CLASRP: variants seen among roughly 807,000 people sequenced by gnomAD.
CLASRP encodes the protein CLK4-associating serine/arginine rich protein.
Under a neutral mutation model 99.9 loss-of-function variants are expected in CLASRP, and 52 were observed. That is an observed-to-expected ratio of 0.52 (90% CI 0.42 to 0.66). The LOEUF is 0.66. Among genes scored for constraint, CLASRP ranks in the 30% least tolerant of loss-of-function variants. The probability of loss-of-function intolerance (pLI) is 0.00; values close to 1 mark genes in which losing one functional copy is unlikely to be tolerated. For missense variants in CLASRP, 848 were observed against 999.2 expected, an observed-to-expected ratio of 0.85 and a Z score of 2.04; for synonymous variants, 379 against 373.0, an observed-to-expected ratio of 1.02 and a Z score of -0.18.
At position 45,064,348 on chromosome 19, in the gene CLASRP, G is replaced by GCTCCTC. The variant is rs756241064; in HGVS notation, c.1146_1151dup (p.Ser384_Ser385dup). On this transcript the variant is annotated inframe_insertion, in exon 13 of 21. Coordinates refer to ENST00000221455, the MANE Select transcript of CLASRP (RefSeq NM_007056.3). ...CCTCCGTGCCCCGCCTGCAGCCGCC[G>GCTCCTC]CTCCTCCTCCTCCTCCTCCTCCTCT... 59 of 1,525,902 alleles carry GCTCCTC rather than the reference G, an allele frequency of 3.9e-5. No homozygotes were observed. The highest frequency in any genetic ancestry group is 9.7e-5 in the South Asian group (8 of 82,626). 94.5% of individuals were successfully genotyped at this position (1,525,902 alleles called of 1,614,324 possible).
chr19:45,068,309 T>TGTGCCCCCCCC, intron 15 of CLASRP, 111 bp from the exon 16 acceptor site: 2 of 651,148 alleles, frequency 3.1e-6, no homozygotes, highest in Non-Finnish European at 2.8e-6. Context: ...CCCACGTCGT[T>TGTGCCCCCCCC]CTCCCCCCCC....
chr19:45,040,605 G>A (rs1173870602), intron 2 of CLASRP: 1 of 265,018 alleles, frequency 3.8e-6, no homozygotes, highest in East Asian at 8.1e-5. Flanking sequence ...GCCACCTCCA[G>A]AATGTCTGTT....
Position 45,064,395 on chromosome 19 carries a change from T to G in CLASRP, c.1174T>G (p.Ser392Ala). ...SSSSASRTSS[S>A]RSSSRSSSRS... ...CTCTTCTGCCTCGAGGACCTCCAGC[T>G]CCCGCTCCAGCTCTCGCTCCAGCTC... Residue 392 changes from serine (S) to alanine (A), a missense_variant, in exon 13 of 21, where the codon TCC becomes GCC. By Grantham distance (99) the Ser-to-Ala change is moderately conservative. Coordinates refer to ENST00000221455, the MANE Select transcript of CLASRP (RefSeq NM_007056.3). The G allele has an allele frequency of 6.5e-7, 1 of 1,531,600 alleles. No homozygotes were observed. Among genetic ancestry groups the G allele is most frequent in the Non-Finnish European group, 8.8e-7 (1 of 1,142,564 alleles). 94.9% of individuals were successfully genotyped at this position (1,531,600 alleles called of 1,614,324 possible).
chr19:45,053,138 G>C lies in CLASRP; in HGVS notation c.340G>C (p.Glu114Gln). ...GTCGGACGAACGGAAGTGTAACTAC[G>C]AGCGCTACAGAGGCCTGGTGCAGAA... ...QESDERKCNY[E>Q]RYRGLVQNDF... is the part of the protein sequence containing the mutation. The change falls in exon 5 of 21, where the codon GAG (glutamate) becomes CAG (glutamine). Residue 114 changes from glutamate (E) to glutamine (Q), a missense_variant. Glu to Gln is a conservative substitution (Grantham distance 29). Transcript: ENST00000221455. 4.3e-6 allele frequency: 7 copies of C among 1,614,012 alleles called. No individual in the cohort carries two copies. The highest frequency in any genetic ancestry group is 5.9e-6 in the Non-Finnish European group (7 of 1,180,006).
chr19:45,059,016 C>T (rs1972176772), intron 7 of CLASRP, among the ~76,000 whole-genome samples: 1 of 152,144 alleles, frequency 6.6e-6, no homozygotes, highest in African/African-American at 2.4e-5. Context: ...CCTTCTCTTT[C>T]CCTCCCTCCG....
At chr19:45,055,253 G>A (rs1600102900) in intron 5 of CLASRP, among the ~76,000 whole-genome samples, 1 of 152,216 alleles carries the variant, frequency 6.6e-6, no homozygotes, top group Non-Finnish European at 1.5e-5. Flanking sequence ...CAGAAGTCCT[G>A]GATAGAAGCT....
intron 2 of CLASRP, among the ~76,000 whole-genome samples, chr19:45,045,500 G>T (rs1052481371): frequency 1.3e-5 from 2 of 152,100 alleles, no homozygotes; most frequent in Non-Finnish European, 2.9e-5. Context: ...CTGAGTGGGA[G>T]AATAAGACCC....
intron 2 of CLASRP, among the ~76,000 whole-genome samples, chr19:45,042,099 T>C (rs964717150): frequency 2.0e-5 from 3 of 152,148 alleles, no homozygotes; most frequent in African/African-American, 7.2e-5. Flanking sequence ...TCCCAGCATT[T>C]TGGGGGCCAA....
intron 11 of CLASRP, 131 bp downstream of exon 11, chr19:45,062,326 G>T: frequency 3.2e-6 from 2 of 634,886 alleles, no homozygotes; most frequent in Non-Finnish European, 5.7e-6. Context: ...ATATGTTCTG[G>T]GTCTGAATCA....
At chr19:45,063,921 G>T in intron 11 of CLASRP, 91 bp from the exon 12 acceptor site, 1 of 1,477,574 alleles carries the variant, frequency 6.8e-7, no homozygotes, top group Non-Finnish European at 9.0e-7. Flanking sequence ...GCTGTGGCCC[G>T]CGCTGGCGCT....
At chr19:45,044,175 C>A (rs1487103441) in intron 2 of CLASRP, among the ~76,000 whole-genome samples, 2 of 152,246 alleles carry the variant, frequency 1.3e-5, no homozygotes, top group Non-Finnish European at 2.9e-5. Flanking sequence ...AGCCACCACA[C>A]CCAGCCTAGC....
At position 45,051,838 on chromosome 19, in the gene CLASRP, G is replaced by A. The variant is rs190400633; in HGVS notation, c.100-233G>A. 3.7e-3 allele frequency among the ~76,000 whole-genome samples: 563 copies of A among 152,154 alleles called. 2 individuals carry two copies. Among genetic ancestry groups the A allele is most frequent in the African/African-American group, 0.013 (535 of 41,526 alleles). On this transcript the variant is annotated intron_variant, in intron 2 of 20. Transcript: ENST00000221455. ...AAAAAATTAGTCGGGCATGGTGGCG[G>A]GCGCCTGTAGTCCCAGCTACTCAGA... is the stretch of plus-strand genomic sequence containing the variant.
intron 2 of CLASRP, among the ~76,000 whole-genome samples, chr19:45,046,697 C>A (rs568291129): frequency 6.6e-6 from 1 of 152,330 alleles, no homozygotes; most frequent in East Asian, 1.9e-4. Flanking sequence ...TCCTCTGACA[C>A]AATCTGATCC....
chr19:45,056,873 G>T (rs988286945), intron 6 of CLASRP, among the ~76,000 whole-genome samples: 16 of 152,188 alleles, frequency 1.1e-4, no homozygotes, highest in African/African-American at 3.9e-4. Flanking sequence ...CTGGCAGGAG[G>T]CCCTACTGCC....
At position 45,057,923 on chromosome 19, in the gene CLASRP, C is replaced by T. The variant is rs760621147; in HGVS notation, c.613+25C>T. The T allele has an allele frequency of 1.4e-5, 23 of 1,612,718 alleles. No homozygotes were observed. The South Asian group carries it at 2.5e-4, about 18-fold the overall frequency. On this transcript the variant is annotated intron_variant, in intron 7 of 20. Transcript: ENST00000221455. ...GGTGGGGTCCCCTCTCTGCCCTCCC[C>T]ACCTGCAGTCCCTGGGCATCGTTTC...
intron 15 of CLASRP, 122 bp downstream of exon 15, chr19:45,068,176 G>A: frequency 1.2e-6 from 1 of 851,730 alleles, no homozygotes; most frequent in Non-Finnish European, 2.0e-6. Flanking sequence ...GGGACAGGGA[G>A]GGGAGGGGAA....
rs1183312625 is a variant in CLASRP, at chr19:45,057,783, C to T, written c.498C>T (p.Thr166=). Residue 166 remains threonine (T), a synonymous_variant, in exon 7 of 21, where the codon ACC becomes ACT. Coordinates refer to ENST00000221455, the MANE Select transcript of CLASRP (RefSeq NM_007056.3). ...AGAAGAAGGCTTCCATCGGTTATAC[C>T]TACGAGGACAGCACGGTGGCCGAGG... is the stretch of plus-strand genomic sequence containing the variant. The part of the protein sequence containing the change: ...LAEKKASIGY[T]YEDSTVAEVE... 7.4e-6 allele frequency: 12 copies of T among 1,613,938 alleles called. No homozygotes were observed. The highest frequency in any genetic ancestry group is 1.3e-5 in the African/African-American group (1 of 74,902).
In CLASRP at chr19:45,057,875, A is replaced by G; in HGVS notation, c.590A>G (p.Glu197Gly). The G allele has an allele frequency of 6.2e-7, 1 of 1,613,974 alleles. No individual in the cohort carries two copies. Among genetic ancestry groups the G allele is most frequent in the Non-Finnish European group, 8.5e-7 (1 of 1,179,928 alleles). ...SAAEEESNSD[E>G]DEVIPDIDVE... is the part of the protein sequence containing the mutation. Reference sequence around the variant, plus strand: ...GCCGAGGAGGAGAGCAACTCGGACGAAGATGAGGTCATCCCCGACATCGGT... The same window carrying G: ...GCCGAGGAGGAGAGCAACTCGGACGGAGATGAGGTCATCCCCGACATCGGT... Residue 197 changes from glutamate (E) to glycine (G), a missense_variant, in exon 7 of 21, where the codon GAA becomes GGA. By Grantham distance (98) the Glu-to-Gly change is moderately conservative. Around this residue, in one of 8 missense-constraint regions of CLASRP, gnomAD observed 119 missense variants for 170.2 expected, o/e 0.70. Transcript: ENST00000221455.
In CLASRP at chr19:45,064,381, C is replaced by G; in HGVS notation, c.1160C>G (p.Ser387Trp). Residue 387 changes from serine (S) to tryptophan (W), a missense_variant, in exon 13 of 21, where the codon TCG (serine) becomes TGG (tryptophan). Physicochemically the swap from Ser to Trp is radical, Grantham distance 177. Transcript: ENST00000221455. The part of the protein sequence containing the change: ...SSSSSSSSSA[S>W]RTSSSRSSSR... ...TCCTCCTCCTCCTCCTCTTCTGCCT[C>G]GAGGACCTCCAGCTCCCGCTCCAGC... is the stretch of plus-strand genomic sequence containing the variant. 6.5e-7 allele frequency: 1 copy of G among 1,532,628 alleles called. No homozygotes were observed. The allele number at this position is 1,532,628 out of a possible 1,614,324, so 94.9% of individuals were successfully genotyped here. A position where few individuals can be genotyped will look rare whatever the true frequency, so the allele number is the denominator to read the frequency against.
Sources: gnomAD v4.1 joint callset for allele counts (sites outside exome capture counted in the v4.1 genomes callset) on GRCh38, gnomAD v4.1.1 for gene constraint, gnomAD v4.1.1 regional missense constraint, MANE v1.5 for transcripts, NCBI Gene and HGNC (gene_info 2026-07-23, HGNC 2026-07-21) for gene names.